AQP9: variants seen among roughly 807,000 people sequenced by gnomAD.
AQP9 encodes aquaporin 9.
AQP9 carries 19 observed loss-of-function variants against 23.8 expected under a neutral mutation model. The observed-to-expected ratio is 0.80, with a 90% CI of 0.56 to 1.17. The LOEUF (loss-of-function observed/expected upper bound fraction) is 1.17, where lower values mean the gene tolerates loss of function less well. AQP9 is among the 50% of genes most tolerant of loss of function. The pLI is 0.00. For synonymous variants in AQP9, 153 were observed against 131.5 expected, an observed-to-expected ratio of 1.16 and a Z score of -1.12; for missense variants, 413 against 362.0, an observed-to-expected ratio of 1.14 and a Z score of -1.14.
intron 1 of AQP9, among the ~76,000 whole-genome samples, chr15:58,145,879 T>C (rs1238037995): frequency 2.0e-5 from 3 of 152,192 alleles, no homozygotes; most frequent in Non-Finnish European, 2.9e-5. Flanking sequence ...ATGCTCAAGG[T>C]TGAATGATAA....
chr15:58,146,596 T>C (rs915129729), intron 1 of AQP9: 2 of 152,144 alleles, frequency 1.3e-5, no homozygotes, highest in Admixed American at 6.5e-5. Flanking sequence ...TTTTATCTAC[T>C]GACTCTTATT....
intron 2 of AQP9, among the ~76,000 whole-genome samples, chr15:58,172,037 CTTTA>C (rs1358856740): frequency 1.3e-5 from 2 of 152,092 alleles, no homozygotes; most frequent in Admixed American, 6.6e-5. Context: ...TTTTTAAATT[CTTTA>C]TTTATTTTTC....
chr15:58,166,600 T>A, intron 1 of AQP9, 73 bp from the exon 2 acceptor site: 1 of 1,515,606 alleles, frequency 6.6e-7, no homozygotes, highest in Non-Finnish European at 8.8e-7. Context: ...TAAAAATACT[T>A]GCTACTGTGA....
intron 2 of AQP9, among the ~76,000 whole-genome samples, chr15:58,168,449 C>G (rs1566987835): frequency 6.6e-6 from 1 of 152,164 alleles, no homozygotes; most frequent in Non-Finnish European, 1.5e-5. Context: ...GCAAACACTG[C>G]CTTTGTAGCA....
intron 2 of AQP9, among the ~76,000 whole-genome samples, chr15:58,169,870 A>G (rs1413275191): frequency 6.6e-6 from 1 of 152,198 alleles, no homozygotes; most frequent in Non-Finnish European, 1.5e-5. Flanking sequence ...TTATTGAAAA[A>G]GCAAATAGAC....
At chr15:58,180,900 A>G (rs558372827) in intron 5 of AQP9, among the ~76,000 whole-genome samples, 1 of 152,352 alleles carries the variant, frequency 6.6e-6, no homozygotes, top group African/African-American at 2.4e-5. Flanking sequence ...AATGTCCGCA[A>G]CTAGGATGGA....
chr15:58,151,576 AC>A (rs1225437865), intron 1 of AQP9: 2 of 151,802 alleles, frequency 1.3e-5, no homozygotes, highest in Middle Eastern at 3.2e-3. Context: ...CCAATGAGTC[AC>A]CCCCACAGAA....
intron 4 of AQP9, among the ~76,000 whole-genome samples, chr15:58,175,672 G>A (rs1192025064): frequency 3.9e-5 from 6 of 152,300 alleles, no homozygotes; most frequent in African/African-American, 1.4e-4. Context: ...CTTGGTCAGG[G>A]CAGTGGAAGG....
chr15:58,173,615 C>T (rs1246633343), intron 3 of AQP9, among the ~76,000 whole-genome samples: 2 of 152,146 alleles, frequency 1.3e-5, no homozygotes, highest in South Asian at 2.1e-4. Flanking sequence ...AGAGACACAG[C>T]AGAGATGTGG....
At chr15:58,178,506 G>A (rs1898806256) in intron 4 of AQP9, among the ~76,000 whole-genome samples, 1 of 152,126 alleles carries the variant, frequency 6.6e-6, no homozygotes, top group Non-Finnish European at 1.5e-5. Flanking sequence ...GTTTTTGAAT[G>A]CATATTGCTA....
At chr15:58,179,494 G>T in intron 5 of AQP9, 149 bp downstream of exon 5, 1 of 607,500 alleles carries the variant, frequency 1.6e-6, no homozygotes, top group Non-Finnish European at 2.8e-6. Context: ...CATTTCACTG[G>T]TATTTTGTGG....
At chr15:58,163,358 G>C (rs577210271) in intron 1 of AQP9, among the ~76,000 whole-genome samples, 1 of 152,176 alleles carries the variant, frequency 6.6e-6, no homozygotes. Context: ...GGAGGAGTGC[G>C]TGGTGGACTT....
In AQP9 at chr15:58,175,003, G is replaced by T. The variant is rs371795832; in HGVS notation, c.462G>T (p.Pro154=). ...ACATTTTTGCAACATACCCAGCTCCGTATCTATCTCTGGCGAACGCATTTG... is the reference window on the plus strand; with the variant it reads ...ACATTTTTGCAACATACCCAGCTCCTTATCTATCTCTGGCGAACGCATTTG... ...TAHIFATYPA[P]YLSLANAFAD... Residue 154 remains proline, a synonymous_variant, in exon 4 of 6, where the codon CCG becomes CCT. Transcript: ENST00000219919. The T allele has an allele frequency of 5.0e-6, 8 of 1,614,136 alleles. No homozygotes were observed. The South Asian group carries it at 8.8e-5, about 18-fold the overall frequency.
rs536170463 is a variant in AQP9 at position 58,146,396 on chromosome 15, C to T, written c.111+7720C>T. Reference sequence around the variant, plus strand: ...GTTCTATCTAATCTTCTGTTTAACACGTTCATTGAGTCTTTAGTTTCACTA... The same window carrying T: ...GTTCTATCTAATCTTCTGTTTAACATGTTCATTGAGTCTTTAGTTTCACTA... On this transcript the variant is annotated intron_variant, in intron 1 of 5. Coordinates refer to ENST00000219919, the MANE Select transcript of AQP9 (RefSeq NM_020980.5). Among the ~76,000 whole-genome samples, 57 of 152,106 alleles carry T rather than the reference C, an allele frequency of 3.7e-4. 1 individual carries two copies. Among genetic ancestry groups the T allele is most frequent in the Admixed American group, 3.4e-3 (52 of 15,268 alleles).
intron 4 of AQP9, among the ~76,000 whole-genome samples, chr15:58,176,614 A>G (rs1257867812): frequency 8.4e-6 from 1 of 119,326 alleles, no homozygotes; most frequent in Non-Finnish European, 1.8e-5. Context: ...TTTTTCTCTA[A>G]GCTTTTTTTT....
At chr15:58,183,905 A>G in intron 5 of AQP9, 56 bp from the exon 6 acceptor site, 1 of 1,577,722 alleles carries the variant, frequency 6.3e-7, no homozygotes, top group Non-Finnish European at 8.7e-7. Context: ...AAAACTAGAC[A>G]GTAATACCAG....
chr15:58,179,590 G>C (rs764427155), intron 5 of AQP9, among the ~76,000 whole-genome samples: 1 of 151,978 alleles, frequency 6.6e-6, no homozygotes, highest in Non-Finnish European at 1.5e-5. Context: ...ATTCAATAGA[G>C]ATAAAACTGT....
At chr15:58,182,782 G>A (rs556919028) in intron 5 of AQP9, among the ~76,000 whole-genome samples, 1 of 152,288 alleles carries the variant, frequency 6.6e-6, no homozygotes, top group Non-Finnish European at 1.5e-5. Flanking sequence ...CATCAACCCT[G>A]CAAGGGCAAT....
chr15:58,154,191 A>T (rs1212704566), intron 1 of AQP9: 1 of 152,096 alleles, frequency 6.6e-6, no homozygotes, highest in East Asian at 1.9e-4. Flanking sequence ...TCCACTGTAC[A>T]GCTCCCCCAA....
Sources: gnomAD v4.1 joint callset for allele counts (sites outside exome capture counted in the v4.1 genomes callset) on GRCh38, gnomAD v4.1.1 for gene constraint, MANE v1.5 for transcripts, NCBI Gene and HGNC (gene_info 2026-07-23, HGNC 2026-07-21) for gene names.